Variants in GRIK2 observed in about 807,000 individuals in gnomAD.
GRIK2 encodes the protein glutamate ionotropic receptor kainate type subunit 2.
GRIK2 carries 32 observed loss-of-function variants against 100.3 expected under a neutral mutation model. The ratio of observed to expected loss-of-function variants is 0.32; its 90% CI spans 0.24 to 0.43. GRIK2 has a LOEUF of 0.43. GRIK2 is among the 20% of genes least tolerant of loss of function. The pLI, the probability that GRIK2 is intolerant of heterozygous loss-of-function variation, is 1.00. For synonymous variants in GRIK2, 417 were observed against 389.4 expected, an observed-to-expected ratio of 1.07 and a Z score of -0.83; for missense variants, 843 against 1,114.9, an observed-to-expected ratio of 0.76 and a Z score of 3.47.
At chr6:101,675,084 G>A (rs2128339405) in intron 4 of GRIK2, among the ~76,000 whole-genome samples, 1 of 152,148 alleles carries the variant, frequency 6.6e-6, no homozygotes, top group African/African-American at 2.4e-5. Flanking sequence ...GTTAACTATA[G>A]TAATCCTTCT....
chr6:101,395,058 A>G (rs991386532), intron 1 of GRIK2, among the ~76,000 whole-genome samples: 2 of 152,264 alleles, frequency 1.3e-5, no homozygotes, highest in Non-Finnish European at 2.9e-5. Flanking sequence ...TTAATCATCA[A>G]TGCAGCAGAA....
chr6:101,434,132 T>C (rs1045760547), intron 2 of GRIK2, among the ~76,000 whole-genome samples: 1 of 152,204 alleles, frequency 6.6e-6, no homozygotes, highest in East Asian at 1.9e-4. Context: ...AACACAAAAG[T>C]GGGCTTCCTG....
chr6:102,066,575 A>ATG (rs1772027244), intron 16 of GRIK2, among the ~76,000 whole-genome samples: 1 of 151,544 alleles, frequency 6.6e-6, no homozygotes, highest in Admixed American at 6.6e-5. Context: ...AGTTGGGATG[A>ATG]TGTGAAAGAT....
intron 16 of GRIK2, among the ~76,000 whole-genome samples, chr6:102,057,262 C>T (rs1366077935): frequency 1.3e-5 from 2 of 151,800 alleles, no homozygotes; most frequent in African/African-American, 4.8e-5. Flanking sequence ...TAAAGTAAAA[C>T]GAATTAGTCT....
intron 2 of GRIK2, among the ~76,000 whole-genome samples, chr6:101,470,541 C>G (rs957144841): frequency 1.3e-5 from 2 of 152,100 alleles, no homozygotes; most frequent in African/African-American, 4.8e-5. Flanking sequence ...ATTTTTCTTT[C>G]TTTTTTCAGA....
intron 10 of GRIK2, among the ~76,000 whole-genome samples, chr6:101,821,247 G>A (rs1423920110): frequency 3.3e-5 from 5 of 152,080 alleles, no homozygotes; most frequent in Admixed American, 2.0e-4. Flanking sequence ...TTTGAGAAGT[G>A]TTCAGATATT....
At chr6:101,890,028 T>C (rs767360463) in intron 12 of GRIK2, 165 bp downstream of exon 12, 1 of 602,820 alleles carries the variant, frequency 1.7e-6, no homozygotes, top group Non-Finnish European at 2.9e-6. Flanking sequence ...TAAAATGTAC[T>C]GTCCTGTCTT....
intron 7 of GRIK2, among the ~76,000 whole-genome samples, chr6:101,729,310 A>T (rs79218592): frequency 0.022 from 3,271 of 152,076 alleles, 52 homozygotes; most frequent in South Asian, 0.044. Flanking sequence ...CTATCTATAG[A>T]TCTACCTATG....
intron 4 of GRIK2, among the ~76,000 whole-genome samples, chr6:101,651,004 C>CTTTTT (rs3056156): frequency 1.7e-5 from 2 of 119,510 alleles, no homozygotes; most frequent in African/African-American, 3.0e-5. Context: ...CTTTCTTTTT[C>CTTTTT]TTTTTTTTTT....
intron 14 of GRIK2, among the ~76,000 whole-genome samples, chr6:102,016,927 C>A (rs1462522366): frequency 6.6e-6 from 1 of 152,090 alleles, no homozygotes; most frequent in Non-Finnish European, 1.5e-5. Flanking sequence ...CAGTGGACAC[C>A]TCAGCAGAAA....
chr6:101,885,419 T>C (rs1786545004), intron 11 of GRIK2, among the ~76,000 whole-genome samples: 1 of 152,084 alleles, frequency 6.6e-6, no homozygotes, highest in Admixed American at 6.6e-5. Context: ...AAATGAGCAT[T>C]GTTAAGTCAT....
intron 16 of GRIK2, among the ~76,000 whole-genome samples, chr6:102,062,558 C>A (rs1771807421): frequency 6.6e-6 from 1 of 150,508 alleles, no homozygotes; most frequent in Admixed American, 6.6e-5. Flanking sequence ...CTTTTGACTG[C>A]TGAATAGCTT....
At chr6:101,695,235 C>T (rs1772395501) in intron 7 of GRIK2, among the ~76,000 whole-genome samples, 1 of 151,986 alleles carries the variant, frequency 6.6e-6, no homozygotes, top group Non-Finnish European at 1.5e-5. Context: ...CTTATATTCT[C>T]CAGAGGGGAG....
chr6:101,672,365 T>C (rs1770504613), intron 4 of GRIK2, among the ~76,000 whole-genome samples: 1 of 152,100 alleles, frequency 6.6e-6, no homozygotes, highest in Non-Finnish European at 1.5e-5. Flanking sequence ...AAGCACCCTC[T>C]CTCTCCAGAT....
At chr6:101,628,332 T>C (rs1261884977) in intron 4 of GRIK2, among the ~76,000 whole-genome samples, 1 of 152,054 alleles carries the variant, frequency 6.6e-6, no homozygotes, top group African/African-American at 2.4e-5. Context: ...GAAATGCATC[T>C]AGATACAAAT....
At position 101,676,756 on chromosome 6, in the gene GRIK2, T is replaced by C. The variant is rs1261766868; in HGVS notation, c.675T>C (p.His225=). 1 of 1,608,838 alleles carries C rather than the reference T, an allele frequency of 6.2e-7. No individual in the cohort carries two copies. The highest frequency in any genetic ancestry group is 8.5e-7 in the Non-Finnish European group (1 of 1,177,224). ...LKEMKRGKEF[H]VIFDCSHEMA... Reference sequence around the variant, plus strand: ...AAATGAAAAGAGGCAAGGAGTTTCATGTAATCTTTGATTGTAGCCATGAAA... The same window carrying C: ...AAATGAAAAGAGGCAAGGAGTTTCACGTAATCTTTGATTGTAGCCATGAAA... Residue 225 remains histidine, a synonymous_variant, in exon 5 of 17, where the codon CAT becomes CAC. Transcript: ENST00000369134.
At chr6:101,995,034 A>C (rs1794577146) in intron 14 of GRIK2, among the ~76,000 whole-genome samples, 1 of 151,856 alleles carries the variant, frequency 6.6e-6, no homozygotes, top group Non-Finnish European at 1.5e-5. Context: ...GATTCTTATT[A>C]TTTTATCTTA....
intron 14 of GRIK2, among the ~76,000 whole-genome samples, chr6:101,953,304 T>C: frequency 6.6e-6 from 1 of 152,188 alleles, no homozygotes; most frequent in Middle Eastern, 3.2e-3. Flanking sequence ...ATGGGTCAAG[T>C]GGTAAATATA....
intron 4 of GRIK2, among the ~76,000 whole-genome samples, chr6:101,645,609 T>C (rs1016364104): frequency 1.2e-4 from 18 of 151,984 alleles, no homozygotes; most frequent in African/African-American, 4.3e-4. Context: ...CATAATGTAA[T>C]AATTCTCCAT....
Sources: gnomAD v4.1 joint callset for allele counts (sites outside exome capture counted in the v4.1 genomes callset) on GRCh38, gnomAD v4.1.1 for gene constraint, MANE v1.5 for transcripts, NCBI Gene and HGNC (gene_info 2026-07-23, HGNC 2026-07-21) for gene names.